ATF7IP: variants seen among roughly 807,000 people sequenced by gnomAD.
ATF7IP encodes activating transcription factor 7 interacting protein, also known as activating transcription factor 7-interacting protein 1.
In ATF7IP, 23 loss-of-function variants were observed where a neutral mutation model predicts 106.4. The ratio of observed to expected loss-of-function variants is 0.22; its 90% CI spans 0.16 to 0.31. The LOEUF (loss-of-function observed/expected upper bound fraction) is 0.31. Ranked by LOEUF, ATF7IP falls within the 10% of genes least tolerant of loss-of-function variation. The pLI, the probability that ATF7IP is intolerant of heterozygous loss-of-function variation, is 1.00. For synonymous variants in ATF7IP, 542 were observed against 539.0 expected, an observed-to-expected ratio of 1.01 and a Z score of -0.08; for missense variants, 1,334 against 1,524.3, an observed-to-expected ratio of 0.88 and a Z score of 2.08.
chr12:14,479,977 T>C (rs1405920408), intron 12 of ATF7IP, among the ~76,000 whole-genome samples: 1 of 152,172 alleles, frequency 6.6e-6, no homozygotes, highest in African/African-American at 2.4e-5. Flanking sequence ...ATGGGCAGTG[T>C]AGATTATGGA....
chr12:14,425,646 T>C (rs1941803786), intron 2 of ATF7IP, among the ~76,000 whole-genome samples, 173 bp downstream of exon 2: 1 of 152,166 alleles, frequency 6.6e-6, no homozygotes. Context: ...GTGTGTACTC[T>C]GTGAGTAGCA....
At chr12:14,457,505 A>G (rs962504) in intron 8 of ATF7IP, among the ~76,000 whole-genome samples, 85,831 of 151,858 alleles carry the variant, frequency 0.57, 24,673 homozygotes, top group African/African-American at 0.67. Context: ...AGGATTACCC[A>G]AACCCAGGAG....
chr12:14,414,185 A>G (rs1941073794), intron 1 of ATF7IP, among the ~76,000 whole-genome samples: 1 of 152,184 alleles, frequency 6.6e-6, no homozygotes. Context: ...TTTGCATGAT[A>G]TTTTATAATT....
intron 1 of ATF7IP, among the ~76,000 whole-genome samples, chr12:14,417,598 C>A (rs1941269447): frequency 6.6e-6 from 1 of 151,842 alleles, no homozygotes; most frequent in Non-Finnish European, 1.5e-5. Flanking sequence ...CGTATATTGT[C>A]CATGTTTGAC....
At chr12:14,426,774 C>T (rs923410898) in intron 2 of ATF7IP, among the ~76,000 whole-genome samples, 4 of 134,388 alleles carry the variant, frequency 3.0e-5, no homozygotes, top group Admixed American at 8.8e-5. Flanking sequence ...TGCAGTGAGC[C>T]GAGATCGCGC....
chr12:14,444,800 A>G (rs1942870069), intron 5 of ATF7IP, among the ~76,000 whole-genome samples: 1 of 152,094 alleles, frequency 6.6e-6, no homozygotes, highest in Non-Finnish European at 1.5e-5. Flanking sequence ...TGATGTGAAA[A>G]TGAGGTCCTT....
intron 2 of ATF7IP, among the ~76,000 whole-genome samples, chr12:14,426,518 T>C (rs1461701265): frequency 6.7e-6 from 1 of 150,030 alleles, no homozygotes; most frequent in Non-Finnish European, 1.5e-5. Flanking sequence ...TTTTTTCTTA[T>C]TAAAAAATGG....
At chr12:14,465,667 C>T (rs907953420) in intron 9 of ATF7IP, among the ~76,000 whole-genome samples, 12 of 152,072 alleles carry the variant, frequency 7.9e-5, no homozygotes, top group African/African-American at 2.9e-4. Context: ...TGAATATTAA[C>T]CCAACTTGAT....
intron 1 of ATF7IP, among the ~76,000 whole-genome samples, chr12:14,401,945 C>T (rs916394644): frequency 1.1e-4 from 16 of 151,410 alleles, no homozygotes; most frequent in African/African-American, 3.9e-4. Flanking sequence ...AACTCCTGAC[C>T]TCGTGATGCG....
chr12:14,498,590 G>C lies in ATF7IP; in HGVS notation c.*517G>C, dbSNP rs1218316981. On this transcript the variant is annotated 3_prime_UTR_variant, in exon 15 of 15. Coordinates refer to ENST00000261168, the MANE Select transcript of ATF7IP (RefSeq NM_018179.5). ...TTAAAATAGGTTAATTCGAACACAG[G>C]AAAGGATCTATTTGTTGTTTCTTTT... 1 of 152,856 alleles carries C rather than the reference G, an allele frequency of 6.5e-6. No homozygotes were observed. Among genetic ancestry groups the C allele is most frequent in the Non-Finnish European group, 1.5e-5 (1 of 68,244 alleles). The allele number at this position is 152,856 out of a possible 1,614,324, so 9.5% of individuals were successfully genotyped here.
intron 5 of ATF7IP, among the ~76,000 whole-genome samples, chr12:14,440,195 T>TAAATCTC (rs1269690172): frequency 1.3e-5 from 2 of 152,120 alleles, no homozygotes; most frequent in African/African-American, 2.4e-5. Flanking sequence ...CTAGAAAAAA[T>TAAATCTC]AAATCTCAAT....
intron 1 of ATF7IP, among the ~76,000 whole-genome samples, chr12:14,411,243 C>G (rs1447011975): frequency 2.6e-5 from 4 of 152,190 alleles, no homozygotes; most frequent in Non-Finnish European, 4.4e-5. Flanking sequence ...ATCCCACCAG[C>G]ATTGTTTGAA....
intron 1 of ATF7IP, among the ~76,000 whole-genome samples, chr12:14,375,434 T>C (rs925613821): frequency 5.9e-5 from 9 of 152,138 alleles, no homozygotes; most frequent in Non-Finnish European, 1.3e-4. Flanking sequence ...AATAAGGGTT[T>C]GAGGAAAAGA....
At chr12:14,471,580 G>A (rs550333192) in intron 10 of ATF7IP, among the ~76,000 whole-genome samples, 33 of 152,134 alleles carry the variant, frequency 2.2e-4, no homozygotes, top group African/African-American at 7.5e-4. Flanking sequence ...TTGAGTCACA[G>A]TTCCACAGGG....
rs117250348 is a variant in ATF7IP at position 14,474,387 on chromosome 12, A to G, written c.2863-1503A>G. Among the ~76,000 whole-genome samples, 1,013 of 140,460 alleles carry G rather than the reference A, an allele frequency of 7.2e-3. 9 individuals carry two copies. The highest frequency in any genetic ancestry group is 0.012 in the Non-Finnish European group (758 of 63,568). The allele number at this position is 140,460 out of a possible 152,430, so 92.1% of individuals were successfully genotyped here. A position where few individuals can be genotyped will look rare whatever the true frequency, so the allele number is the denominator to read the frequency against. On this transcript the variant is annotated intron_variant, in intron 10 of 14. Coordinates refer to ENST00000261168, the MANE Select transcript of ATF7IP (RefSeq NM_018179.5). The stretch of plus-strand genomic sequence containing the variant: ...TCCTGTTTGTGCATTCGTTATTATT[A>G]TATTTAATTCTTTGAATTTTTTTTT...
intron 13 of ATF7IP, among the ~76,000 whole-genome samples, chr12:14,486,409 C>T (rs922299764): frequency 1.4e-4 from 21 of 152,096 alleles, no homozygotes; most frequent in African/African-American, 4.3e-4. Context: ...AGATTCACTG[C>T]GTAAATTGTC....
rs77105178 is a variant in ATF7IP, at chr12:14,376,713, T to C, written c.-8+10886T>C. Among the ~76,000 whole-genome samples, 325 of 152,326 alleles carry C rather than the reference T, an allele frequency of 2.1e-3. 7 individuals are homozygous for C. In the East Asian group the frequency reaches 0.04, roughly 19 times the overall value. On this transcript the variant is annotated intron_variant, in intron 1 of 14. Coordinates refer to ENST00000261168, the MANE Select transcript of ATF7IP (RefSeq NM_018179.5). ...CCTGGTTTTTTGGGAAATACTATTC[T>C]TTATTCTCTTCAAAGCTTGGAATCT...
In ATF7IP at chr12:14,496,219, G is replaced by A. The variant is rs367999137; in HGVS notation, c.3281-12G>A. 52 of 1,528,368 alleles carry A rather than the reference G, an allele frequency of 3.4e-5. No homozygotes were observed. In the African/African-American group the frequency reaches 6.4e-4, roughly 19 times the overall value. 94.7% of individuals were successfully genotyped at this position (1,528,368 alleles called of 1,614,324 possible). The stretch of plus-strand genomic sequence containing the variant: ...TATCATTTTATCCTGTAATTTTTTT[G>A]TTTGTTTGTAGGTGTTACAGTTCGA... On this transcript the variant is annotated splice_polypyrimidine_tract_variant and intron_variant, in intron 13 of 14. Coordinates refer to ENST00000261168, the MANE Select transcript of ATF7IP (RefSeq NM_018179.5).
At position 14,460,721 on chromosome 12, in the gene ATF7IP, T is replaced by A. The variant is rs1022121588; in HGVS notation, c.2385T>A (p.Pro795=). 1 of 1,614,072 alleles carries A rather than the reference T, an allele frequency of 6.2e-7. No homozygotes were observed. Among genetic ancestry groups the A allele is most frequent in the African/African-American group, 1.3e-5 (1 of 74,940 alleles). Residue 795 remains proline, a synonymous_variant, in exon 9 of 15, where the codon CCT becomes CCA. Transcript: ENST00000261168. ...LHVPVAVSSQ[P]QLLQSHPGTL... is the part of the protein sequence containing the mutation. Reference sequence around the variant, plus strand: ...TACCTGTTGCAGTATCCTCCCAGCCTCAGCTTCTACAGAGCCATCCAGGGA... The same window carrying A: ...TACCTGTTGCAGTATCCTCCCAGCCACAGCTTCTACAGAGCCATCCAGGGA...
Sources: allele counts gnomAD v4.1 joint callset (sites outside exome capture counted in the v4.1 genomes callset), GRCh38; gene constraint gnomAD v4.1.1; transcripts MANE v1.5; gene names NCBI Gene and HGNC (gene_info 2026-07-23, HGNC 2026-07-21).